Variants in NFASC observed in about 807,000 individuals in gnomAD.
The protein encoded by NFASC is neurofascin.
In NFASC, 43 loss-of-function variants were observed where a neutral mutation model predicts 147.5. The ratio of observed to expected loss-of-function variants is 0.29; its 90% CI spans 0.23 to 0.38. The LOEUF is 0.38. Ranked by LOEUF, NFASC falls within the 10% of genes least tolerant of loss-of-function variation. NFASC has a pLI of 1.00. For missense variants in NFASC, 1,320 were observed against 1,689.0 expected, an observed-to-expected ratio of 0.78 and a Z score of 3.83; for synonymous variants, 622 against 665.5, an observed-to-expected ratio of 0.93 and a Z score of 1.01.
chr1:204,990,772 A>G (rs1311190764), intron 23 of NFASC, among the ~76,000 whole-genome samples: 2 of 152,076 alleles, frequency 1.3e-5, no homozygotes, highest in Non-Finnish European at 2.9e-5. Flanking sequence ...CCTCTCTCCT[A>G]TCCATCCCAC....
At chr1:204,937,820 A>G (rs377735632) in intron 2 of NFASC, among the ~76,000 whole-genome samples, 10 of 152,306 alleles carry the variant, frequency 6.6e-5, no homozygotes, top group African/African-American at 2.2e-4. Flanking sequence ...GGTTCAACAT[A>G]TATTTACTGT....
chr1:204,970,833 C>A, intron 11 of NFASC, 86 bp downstream of exon 11: 1 of 1,540,874 alleles, frequency 6.5e-7, no homozygotes, highest in South Asian at 1.1e-5. Flanking sequence ...CAGTGCTGGT[C>A]ACACTAGAAG....
chr1:205,022,225 A>G lies in NFASC; in HGVS notation c.*5686A>G, dbSNP rs1006253874. On this transcript the variant is annotated 3_prime_UTR_variant, in exon 30 of 30. Coordinates refer to ENST00000339876, the MANE Select transcript of NFASC (RefSeq NM_001005388.3). ...CCTTTTTTTCTGATTCCCAACTGCA[A>G]TGTCCTCAGTCAGTGTTGTCCCTCT... is the stretch of plus-strand genomic sequence containing the variant. 2.0e-5 allele frequency: 3 copies of G among 152,510 alleles called. No homozygotes were observed. Among genetic ancestry groups the G allele is most frequent in the Non-Finnish European group, 4.4e-5 (3 of 68,036 alleles). 9.4% of individuals were successfully genotyped at this position (152,510 alleles called of 1,614,324 possible).
Position 204,921,951 on chromosome 1 carries a change from C to T in NFASC, c.-91+1211C>T, listed in dbSNP as rs555013804. 2.2e-4 allele frequency among the ~76,000 whole-genome samples: 34 copies of T among 152,164 alleles called. 1 individual carries two copies. In the East Asian group the frequency reaches 4.1e-3, roughly 18 times the overall value. ...CTGGGAAATTCCTCTGACCTTAGGG[C>T]TTTTTCACCCTGTCATTGTTACTAA... On this transcript the variant is annotated intron_variant, in intron 2 of 29. Transcript: ENST00000339876.
intron 1 of NFASC, among the ~76,000 whole-genome samples, chr1:204,882,277 A>G (rs992332809): frequency 3.9e-5 from 6 of 151,912 alleles, no homozygotes; most frequent in Middle Eastern, 6.8e-3. Flanking sequence ...GCTCATCTCC[A>G]TGGTATACAA....
chr1:204,991,522 G>T (rs2095735889), intron 24 of NFASC, among the ~76,000 whole-genome samples: 1 of 152,194 alleles, frequency 6.6e-6, no homozygotes, highest in South Asian at 2.1e-4. Context: ...CAAACTATTT[G>T]CCCCCTGCTG....
In NFASC at chr1:204,889,754, C is replaced by A. The variant is rs147752486; in HGVS notation, c.-199-30878C>A. ...AGAGATCCCAGATCCCAGAAACAGT[C>A]CGGGAAGGCCAATGTACTGGGTGGT... On this transcript the variant is annotated intron_variant, in intron 1 of 29. Transcript: ENST00000339876. 7.5e-4 allele frequency among the ~76,000 whole-genome samples: 114 copies of A among 152,280 alleles called. 1 individual carries two copies. Among genetic ancestry groups the A allele is most frequent in the South Asian group, 4.4e-3 (21 of 4,812 alleles).
rs766397794 is a variant in NFASC, at chr1:204,968,884, G to A, written c.905G>A (p.Arg302His). The change falls in exon 10 of 30, where the codon CGT becomes CAT. Residue 302 changes from arginine to histidine, a missense_variant. Around this residue, in one of 3 missense-constraint regions of NFASC, gnomAD observed 981 missense variants for 1,289.5 expected, o/e 0.76. Transcript: ENST00000339876. This position sits in a 1 kb window ranked among gnomAD's most constrained non-coding sequence, Gnocchi z 5.4. ...AKFENFNKAL[R>H]ITNVSEEDSG... Reference sequence around the variant, plus strand: ...TTTGAGAACTTTAATAAGGCCCTGCGTATCACAAATGTCTCTGAGGAAGAC... The same window carrying A: ...TTTGAGAACTTTAATAAGGCCCTGCATATCACAAATGTCTCTGAGGAAGAC... 1.9e-5 allele frequency: 30 copies of A among 1,613,844 alleles called. No homozygotes were observed. Among genetic ancestry groups the A allele is most frequent in the South Asian group, 8.8e-5 (8 of 91,068 alleles).
At chr1:204,850,789 C>G (rs7515134) in intron 1 of NFASC, among the ~76,000 whole-genome samples, 1 of 152,178 alleles carries the variant, frequency 6.6e-6, no homozygotes, top group Admixed American at 6.5e-5. Context: ...TCATAAATCA[C>G]CTAGTCTCAG....
At chr1:204,870,176 A>T (rs1297478066) in intron 1 of NFASC, among the ~76,000 whole-genome samples, 1 of 152,118 alleles carries the variant, frequency 6.6e-6, no homozygotes, top group Non-Finnish European at 1.5e-5. Context: ...GGTTGAAGGG[A>T]CTGGAGATAT....
intron 7 of NFASC, among the ~76,000 whole-genome samples, chr1:204,955,920 C>T (rs2094402320): frequency 6.6e-6 from 1 of 152,184 alleles, no homozygotes; most frequent in Non-Finnish European, 1.5e-5. Context: ...AGTTATTTTG[C>T]AGGTTGAGGA....
intron 8 of NFASC, 81 bp downstream of exon 8, chr1:204,957,907 T>TCCCCCTATAGACTC: frequency 7.5e-7 from 1 of 1,336,674 alleles, no homozygotes; most frequent in Non-Finnish European, 1.1e-6. Flanking sequence ...TACCTGAGTC[T>TCCCCCTATAGACTC]ATAGGGGGAG....
At chr1:204,957,628 C>T in intron 7 of NFASC, 28 bp from the exon 8 acceptor site, 1 of 1,610,994 alleles carries the variant, frequency 6.2e-7, no homozygotes, top group Non-Finnish European at 8.5e-7. Flanking sequence ...TACTACTAAC[C>T]TGCTGCCGTA....
At position 204,992,394 on chromosome 1, in the gene NFASC, C is replaced by T. The variant is rs912751583; in HGVS notation, c.2782+1088C>T. On this transcript the variant is annotated intron_variant, in intron 24 of 29. Transcript: ENST00000339876. ...TTTGCTTATTCATCCCCACCCCCATCCTAGGTTGATTCTATTTCTGTTGCA... is the reference window on the plus strand; with the variant it reads ...TTTGCTTATTCATCCCCACCCCCATTCTAGGTTGATTCTATTTCTGTTGCA... 1.4e-3 allele frequency among the ~76,000 whole-genome samples: 209 copies of T among 152,296 alleles called. 1 individual carries two copies. The highest frequency in any genetic ancestry group is 4.9e-3 in the African/African-American group (205 of 41,560).
At chr1:204,973,250 G>A (rs1405599128) in intron 11 of NFASC, 26 bp from the exon 12 acceptor site, 1 of 1,613,312 alleles carries the variant, frequency 6.2e-7, no homozygotes, top group Non-Finnish European at 8.5e-7. Context: ...CATCTCTCAT[G>A]AGGAGCGTCT....
At chr1:204,913,835 G>A (rs1007674841) in intron 1 of NFASC, among the ~76,000 whole-genome samples, 1 of 151,480 alleles carries the variant, frequency 6.6e-6, no homozygotes, top group East Asian at 1.9e-4. Flanking sequence ...CAAGGCTGCA[G>A]CGAGTCATGA....
chr1:204,991,416 A>G, intron 24 of NFASC, 110 bp downstream of exon 24: 2 of 1,150,550 alleles, frequency 1.7e-6, no homozygotes, highest in Non-Finnish European at 1.3e-6. Flanking sequence ...AGCATGCTCC[A>G]GACTCACCCT....
chr1:205,015,161 G>A lies in NFASC; in HGVS notation c.3492-1147G>A, dbSNP rs1157923418. Among the ~76,000 whole-genome samples, 1 of 152,174 alleles carries A rather than the reference G, an allele frequency of 6.6e-6. No homozygotes were observed. The highest frequency in any genetic ancestry group is 1.5e-5 in the Non-Finnish European group (1 of 68,012). On this transcript the variant is annotated intron_variant, in intron 29 of 29. Transcript: ENST00000339876. This position sits in a 1 kb window ranked among gnomAD's most constrained non-coding sequence, Gnocchi z 4.0. ...GTGAGAACGCACTGCCCACTATAATGGCAACTCAGCTGGTTGTCTTCCCCA... is the reference window on the plus strand; with the variant it reads ...GTGAGAACGCACTGCCCACTATAATAGCAACTCAGCTGGTTGTCTTCCCCA...
intron 1 of NFASC, among the ~76,000 whole-genome samples, chr1:204,844,030 G>T (rs376689571): frequency 2.6e-5 from 4 of 152,114 alleles, no homozygotes; most frequent in South Asian, 4.1e-4. Flanking sequence ...GAGCCACTGT[G>T]CCTGGCCCCA....
Sources: allele counts gnomAD v4.1 joint callset (sites outside exome capture counted in the v4.1 genomes callset), GRCh38; gene constraint gnomAD v4.1.1; regional missense constraint gnomAD v4.1.1; non-coding constraint Gnocchi (gnomAD v3.1); transcripts MANE v1.5; gene names NCBI Gene and HGNC (gene_info 2026-07-23, HGNC 2026-07-21).